The following CD109 variants were observed in gnomAD, a reference collection of about 807,000 sequenced individuals.
CD109 encodes CD109 antigen.
Under a neutral mutation model 165.8 loss-of-function variants are expected in CD109, and 149 were observed. That is an observed-to-expected ratio of 0.90 (90% confidence interval 0.79 to 1.03). The LOEUF (loss-of-function observed/expected upper bound fraction) is 1.03, where lower values mean the gene tolerates loss of function less well. Among genes scored for constraint, CD109 ranks in the 50% least tolerant of loss-of-function variants. The probability of loss-of-function intolerance (pLI) is 0.00; values close to 1 mark genes in which losing one functional copy is unlikely to be tolerated. For synonymous variants in CD109, 585 were observed against 592.1 expected, an observed-to-expected ratio of 0.99 and a Z score of 0.18; for missense variants, 1,712 against 1,677.8, an observed-to-expected ratio of 1.02 and a Z score of -0.36.
intron 5 of CD109, among the ~76,000 whole-genome samples, chr6:73,745,637 A>C (rs1468344723): frequency 1.3e-5 from 2 of 152,210 alleles, no homozygotes; most frequent in Non-Finnish European, 2.9e-5. Flanking sequence ...TGGTTCATCT[A>C]TTTAATATCC....
intron 7 of CD109, among the ~76,000 whole-genome samples, chr6:73,761,420 C>T (rs990144083): frequency 6.6e-6 from 1 of 152,186 alleles, no homozygotes; most frequent in Admixed American, 6.5e-5. Flanking sequence ...TTCAGATGGT[C>T]AGAGGTTGGG....
In CD109 at chr6:73,791,136, CATATATATATATATATATATAT is replaced by C. The variant is rs61429872; in HGVS notation, c.2702-1470_2702-1449del. ...TTGGAGGCATATATATACATACATA[CATATATATATATATATATATAT>C]ATATATATATATATATATACACACA... On this transcript the variant is annotated intron_variant, in intron 22 of 32. Coordinates refer to ENST00000287097, the MANE Select transcript of CD109 (RefSeq NM_133493.5). Among the ~76,000 whole-genome samples the C allele has an allele frequency of 7.5e-4, 42 of 56,334 alleles. 4 individuals carry two copies. The highest frequency in any genetic ancestry group is 1.7e-3 in the African/African-American group (18 of 10,436). The allele number at this position is 56,334 out of a possible 152,430, so 37.0% of individuals were successfully genotyped here.
At chr6:73,727,298 A>G (rs1415983182) in intron 3 of CD109, among the ~76,000 whole-genome samples, 2 of 152,152 alleles carry the variant, frequency 1.3e-5, no homozygotes, top group East Asian at 1.9e-4. Flanking sequence ...ACCCCGAGAC[A>G]TGTGGTGATG....
At chr6:73,733,368 C>A (rs1772435080) in intron 4 of CD109, among the ~76,000 whole-genome samples, 1 of 152,206 alleles carries the variant, frequency 6.6e-6, no homozygotes, top group Non-Finnish European at 1.5e-5. Flanking sequence ...ACTGTCACAG[C>A]ACCTTCAGGG....
chr6:73,731,562 C>T (rs184990779), intron 4 of CD109, among the ~76,000 whole-genome samples: 25 of 152,288 alleles, frequency 1.6e-4, no homozygotes, highest in Admixed American at 3.9e-4. Flanking sequence ...GGGTGGGGCT[C>T]ATGCAGGGCC....
intron 23 of CD109, among the ~76,000 whole-genome samples, chr6:73,795,690 T>C (rs7772161): frequency 0.54 from 82,268 of 152,024 alleles, 22,780 homozygotes; most frequent in African/African-American, 0.66. Context: ...GTAGGCGAGT[T>C]TCCCCTTGGG....
intron 32 of CD109, 58 bp from the exon 33 acceptor site, chr6:73,823,400 A>G: frequency 7.3e-7 from 1 of 1,369,666 alleles, no homozygotes; most frequent in Non-Finnish European, 1.0e-6. Context: ...ATATTTTGGC[A>G]AAGTCAATGT....
At chr6:73,688,326 G>A in the CD109 span, among the ~76,000 whole-genome samples, 1 of 152,158 alleles carries the variant, frequency 6.6e-6, no homozygotes, top group Non-Finnish European at 1.5e-5. Context: ...AGCAATAGGA[G>A]TGCTAGGAGA....
At chr6:73,703,420 T>C (rs1771151791) in intron 2 of CD109, among the ~76,000 whole-genome samples, 1 of 152,224 alleles carries the variant, frequency 6.6e-6, no homozygotes, top group South Asian at 2.1e-4. Flanking sequence ...ACCTCAAAGA[T>C]AAGCAAATTC....
chr6:73,751,255 A>G (rs1418655399), intron 5 of CD109, among the ~76,000 whole-genome samples: 1 of 152,208 alleles, frequency 6.6e-6, no homozygotes, highest in Non-Finnish European at 1.5e-5. Context: ...GACGGCATTT[A>G]AAACTACATT....
intron 21 of CD109, 106 bp downstream of exon 21, chr6:73,787,558 C>G (rs1774743011): frequency 1.4e-6 from 1 of 725,388 alleles, no homozygotes; most frequent in Non-Finnish European, 2.3e-6. Context: ...AGTAGGTCAT[C>G]TTCTTTACCC....
intron 11 of CD109, among the ~76,000 whole-genome samples, chr6:73,766,377 G>A (rs55860270): frequency 0.084 from 12,834 of 152,078 alleles, 686 homozygotes; most frequent in Non-Finnish European, 0.12. Flanking sequence ...GTAAAATATA[G>A]CAATGTGAAG....
At chr6:73,682,341 G>A in the CD109 span, among the ~76,000 whole-genome samples, 1 of 152,186 alleles carries the variant, frequency 6.6e-6, no homozygotes, top group Non-Finnish European at 1.5e-5. Flanking sequence ...CACGTCCCAT[G>A]CAAGTCCAAA....
intron 29 of CD109, among the ~76,000 whole-genome samples, chr6:73,814,208 T>C (rs1163059017): frequency 2.0e-5 from 3 of 151,968 alleles, no homozygotes; most frequent in Non-Finnish European, 4.4e-5. Flanking sequence ...GTGTTTTAGG[T>C]ATAAGTTAAA....
intron 5 of CD109, among the ~76,000 whole-genome samples, chr6:73,741,663 TTTTTGTTTTG>T (rs774614569): frequency 8.5e-5 from 13 of 152,150 alleles, no homozygotes; most frequent in Non-Finnish European, 1.3e-4. Context: ...GCACATGGTT[TTTTTGTTTTG>T]TTTTGTTTTG....
At chr6:73,810,868 A>T in intron 27 of CD109, 124 bp from the exon 28 acceptor site, 1 of 916,784 alleles carries the variant, frequency 1.1e-6, no homozygotes, top group Admixed American at 2.5e-5. Context: ...TTCAAATATG[A>T]ATCAGGGAGC....
chr6:73,749,242 T>A (rs1387398717), intron 5 of CD109, among the ~76,000 whole-genome samples: 1 of 152,138 alleles, frequency 6.6e-6, no homozygotes, highest in Admixed American at 6.5e-5. Flanking sequence ...GGTACTGTGC[T>A]CTAGTTAAGT....
At chr6:73,720,114 T>G (rs1440456515) in intron 2 of CD109, among the ~76,000 whole-genome samples, 1 of 152,078 alleles carries the variant, frequency 6.6e-6, no homozygotes, top group Non-Finnish European at 1.5e-5. Flanking sequence ...AATGGATAAA[T>G]GGATAAAGAA....
chr6:73,771,646 A>G lies in CD109; in HGVS notation c.1827+65A>G, dbSNP rs530353988. 2.1e-5 allele frequency: 24 copies of G among 1,160,848 alleles called. No homozygotes were observed. In the South Asian group the frequency reaches 4.1e-4, roughly 20 times the overall value. 71.9% of individuals were successfully genotyped at this position (1,160,848 alleles called of 1,614,324 possible). ...CAAGAGAAAGAGGAAACTTTATTGT[A>G]CTACTTTAAATATTTAAAGAAAATT... On this transcript the variant is annotated intron_variant, in intron 15 of 32. Transcript: ENST00000287097.
Sources: gnomAD v4.1 joint callset for allele counts (sites outside exome capture counted in the v4.1 genomes callset) on GRCh38, gnomAD v4.1.1 for gene constraint, MANE v1.5 for transcripts, NCBI Gene and HGNC (gene_info 2026-07-23, HGNC 2026-07-21) for gene names.